Variants in SRP19 observed in about 807,000 individuals in gnomAD.
The protein encoded by SRP19 is signal recognition particle 19, also known as signal recognition particle 19 kDa protein.
A neutral mutation model predicts 22.4 loss-of-function variants in SRP19; 11 were observed. That is an observed-to-expected ratio of 0.49 (90% CI 0.31 to 0.81). The LOEUF (loss-of-function observed/expected upper bound fraction) is 0.81. Among genes scored for constraint, SRP19 ranks in the 40% least tolerant of loss-of-function variants. SRP19 has a pLI of 0.05. For synonymous variants in SRP19, 61 were observed against 57.6 expected (o/e 1.06, Z -0.27); for missense variants, 168 against 175.9 (o/e 0.96, Z 0.25).
chr5:112,877,255 T>C lies in SRP19; in HGVS notation c.301+12523T>C, dbSNP rs570914184. The C allele has an allele frequency of 5.3e-5, 8 of 152,308 alleles. No homozygotes were observed. In the South Asian group the frequency reaches 1.2e-3, roughly 24 times the overall value. The allele number at this position is 152,308 out of a possible 1,614,324, so 9.4% of individuals were successfully genotyped here. ...TAATATTTTTTACATCATGAGACATTGTTATGATCTTACCTGATTGTTATC... is the reference window on the plus strand; with the variant it reads ...TAATATTTTTTACATCATGAGACATCGTTATGATCTTACCTGATTGTTATC... On this transcript the variant is annotated intron_variant, in intron 4 of 4. Coordinates refer to the SRP19 transcript ENST00000391338.
intron 4 of SRP19, among the ~76,000 whole-genome samples, chr5:112,865,403 CAG>C (rs929340100): frequency 2.0e-5 from 3 of 152,086 alleles, no homozygotes; most frequent in African/African-American, 4.8e-5. Context: ...ATCAATATAA[CAG>C]AATGTTCTGA....
intron 4 of SRP19, among the ~76,000 whole-genome samples, chr5:112,875,233 C>A (rs1022796851): frequency 3.3e-5 from 5 of 152,210 alleles, no homozygotes; most frequent in African/African-American, 9.6e-5. Flanking sequence ...GAACTGTAAT[C>A]TTTGATGGGT....
intron 4 of SRP19, among the ~76,000 whole-genome samples, chr5:112,886,159 G>C (rs1768236255): frequency 6.6e-6 from 1 of 152,214 alleles, no homozygotes; most frequent in African/African-American, 2.4e-5. Context: ...CTGGAGGATA[G>C]CAGAGAAGCC....
intron 1 of SRP19, 190 bp from the exon 2 acceptor site, chr5:112,862,314 GATTA>G: frequency 4.7e-6 from 3 of 637,590 alleles, no homozygotes; most frequent in Non-Finnish European, 8.4e-6. Flanking sequence ...CGGCCAGTCT[GATTA>G]GTTGCTCGAG....
rs991772072 is a variant in SRP19 at position 112,864,604 on chromosome 5, T to A, written c.190-17T>A. On this transcript the variant is annotated splice_polypyrimidine_tract_variant and intron_variant, in intron 3 of 4. Coordinates refer to ENST00000505459, the MANE Select transcript of SRP19 (RefSeq NM_003135.3). ...ACTTTCTTAAGTCCTGTTTTTCTTT[T>A]GTTTCGTTTATGTTAGAAAAATAAA... 6.2e-7 allele frequency: 1 copy of A among 1,612,744 alleles called. No individual in the cohort carries two copies. The highest frequency in any genetic ancestry group is 1.3e-5 in the African/African-American group (1 of 74,824).
At chr5:112,895,974 C>A (rs1455408793), downstream of SRP19, 1 of 152,262 alleles carries the variant, frequency 6.6e-6, no homozygotes, top group Non-Finnish European at 1.5e-5. Context: ...TTACGAATTA[C>A]AACAGGCCAT....
intron 4 of SRP19, 47 bp downstream of exon 4, chr5:112,864,779 C>A: frequency 7.2e-7 from 1 of 1,396,830 alleles, no homozygotes. Context: ...TAGGTTTCTC[C>A]TACACAACAC....
At chr5:112,890,256 A>G (rs905006184) in intron 4 of SRP19, among the ~76,000 whole-genome samples, 3 of 150,610 alleles carry the variant, frequency 2.0e-5, no homozygotes, top group Admixed American at 1.3e-4. Flanking sequence ...CATCACTGCA[A>G]TCCAGGCTTG....
chr5:112,867,932 T>C lies in SRP19; in HGVS notation c.*395T>C. The stretch of plus-strand genomic sequence containing the variant: ...ACTTTTGCAGCTTTTGCTTATATAC[T>C]AATGCTAGGAGAGGAGGGATAATTA... On this transcript the variant is annotated 3_prime_UTR_variant, in exon 5 of 5. Coordinates refer to ENST00000505459, the MANE Select transcript of SRP19 (RefSeq NM_003135.3). 1 of 989,396 alleles carries C rather than the reference T, an allele frequency of 1.0e-6. No individual in the cohort carries two copies. Among genetic ancestry groups the C allele is most frequent in the Non-Finnish European group, 1.2e-6 (1 of 832,086 alleles). The allele number at this position is 989,396 out of a possible 1,614,324, so 61.3% of individuals were successfully genotyped here. A position where few individuals can be genotyped will look rare whatever the true frequency, so the allele number is the denominator to read the frequency against.
intron 4 of SRP19, chr5:112,877,610 C>T (rs974160344): frequency 2.6e-5 from 4 of 152,104 alleles, no homozygotes; most frequent in Non-Finnish European, 5.9e-5. Flanking sequence ...TTGTGTTTGA[C>T]CTTAAAGGCC....
At chr5:112,887,818 C>T (rs997176234) in intron 4 of SRP19, among the ~76,000 whole-genome samples, 2 of 152,030 alleles carry the variant, frequency 1.3e-5, no homozygotes, top group Non-Finnish European at 2.9e-5. Flanking sequence ...AAGAATTCTG[C>T]CCTAATTACT....
intron 1 of SRP19, among the ~76,000 whole-genome samples, chr5:112,862,130 T>G (rs1261518486): frequency 2.0e-5 from 3 of 152,182 alleles, no homozygotes. Context: ...GAAAGCAGAT[T>G]TATTTTAAAC....
chr5:112,861,483 C>A (rs1445650897), intron 1 of SRP19, 66 bp downstream of exon 1: 14 of 1,534,512 alleles, frequency 9.1e-6, no homozygotes, highest in Non-Finnish European at 1.2e-5. Flanking sequence ...GGTGCTACAC[C>A]GCGCTTCTCC....
At chr5:112,887,534 C>T (rs1216801998) in intron 4 of SRP19, among the ~76,000 whole-genome samples, 1 of 152,030 alleles carries the variant, frequency 6.6e-6, no homozygotes, top group African/African-American at 2.4e-5. Context: ...TACTTATCTG[C>T]ATGTATAAAG....
intron 4 of SRP19, among the ~76,000 whole-genome samples, chr5:112,886,506 A>G (rs1441203146): frequency 2.6e-5 from 4 of 152,196 alleles, no homozygotes; most frequent in Non-Finnish European, 5.9e-5. Flanking sequence ...CTGCAAGTGG[A>G]GAGAACACAT....
downstream of SRP19, chr5:112,895,647 G>A (rs1232945247): frequency 1.3e-5 from 2 of 152,128 alleles, no homozygotes; most frequent in African/African-American, 2.4e-5. Context: ...GCATTTTCCT[G>A]TTCTGAAATG....
Position 112,868,111 on chromosome 5 carries a change from GTT to G in SRP19, c.*579_*580del, listed in dbSNP as rs563471164. 7.2e-4 allele frequency: 709 copies of G among 985,338 alleles called. 3 individuals carry two copies. The Middle Eastern group carries it at 0.015, about 20-fold the overall frequency. The allele number at this position is 985,338 out of a possible 1,614,324, so 61.0% of individuals were successfully genotyped here. A position where few individuals can be genotyped will look rare whatever the true frequency, so the allele number is the denominator to read the frequency against. On this transcript the variant is annotated 3_prime_UTR_variant, in exon 5 of 5. Transcript: ENST00000505459. ...ATTATTGTAATCGAATCGTTCAGTT[GTT>G]TTTTGACATGGAAAGTCCTGGATTT... is the stretch of plus-strand genomic sequence containing the variant.
downstream of SRP19, among the ~76,000 whole-genome samples, chr5:112,872,704 C>T (rs1286206074): frequency 2.0e-5 from 3 of 152,144 alleles, no homozygotes; most frequent in South Asian, 2.1e-4. Flanking sequence ...CACAACTTCA[C>T]TCTGGGTTCT....
intron 4 of SRP19, chr5:112,878,596 G>C: frequency 1.2e-6 from 1 of 824,186 alleles, no homozygotes; most frequent in Middle Eastern, 3.3e-4. Flanking sequence ...ACTGCATTAA[G>C]TTTAAAGTGC....
Sources: allele counts gnomAD v4.1 joint callset (sites outside exome capture counted in the v4.1 genomes callset), GRCh38; gene constraint gnomAD v4.1.1; transcripts MANE v1.5; gene names NCBI Gene and HGNC (gene_info 2026-07-23, HGNC 2026-07-21).